AMY2B: variants seen among roughly 807,000 people sequenced by gnomAD.
AMY2B encodes the protein alpha-amylase 2B.
In AMY2B, 63 loss-of-function variants were observed where a neutral mutation model predicts 59.3. That is an observed-to-expected ratio of 1.06 (90% CI 0.87 to 1.31). AMY2B has a LOEUF of 1.31. AMY2B is among the 50% of genes most tolerant of loss of function. The probability of loss-of-function intolerance (pLI) is 0.00; values close to 1 mark genes in which losing one functional copy is unlikely to be tolerated. For missense variants in AMY2B, 635 were observed against 626.7 expected (o/e 1.01, Z -0.14); for synonymous variants, 180 against 198.1 (o/e 0.91, Z 0.77).
chr1:103,566,993 T>G (rs1651931862), upstream of AMY2B, among the ~76,000 whole-genome samples: 1 of 152,194 alleles, frequency 6.6e-6, no homozygotes, highest in Non-Finnish European at 1.5e-5. Flanking sequence ...ATACTAGATA[T>G]GAAGTCTAAC....
At chr1:103,558,702 G>A (rs1651636346) in intron 1 of AMY2B, among the ~76,000 whole-genome samples, 1 of 150,854 alleles carries the variant, frequency 6.6e-6, no homozygotes, top group African/African-American at 2.4e-5. Flanking sequence ...ATTTGAGGCT[G>A]CAGTGAACCG....
chr1:103,572,928 A>G (rs1652192817), intron 2 of AMY2B, 135 bp from the exon 3 acceptor site: 1 of 1,530,210 alleles, frequency 6.5e-7, no homozygotes, highest in Non-Finnish European at 8.9e-7. Flanking sequence ...TTGATTTTTG[A>G]TCTTGTAGGA....
At chr1:103,569,347 C>T (rs185158792), upstream of AMY2B, 1 of 164,282 alleles carries the variant, frequency 6.1e-6, no homozygotes, top group Non-Finnish European at 1.3e-5. Flanking sequence ...TATATAAATA[C>T]AGTCCTTATG....
At chr1:103,558,139 G>T (rs1651618613) in intron 1 of AMY2B, among the ~76,000 whole-genome samples, 1 of 152,170 alleles carries the variant, frequency 6.6e-6, no homozygotes, top group Non-Finnish European at 1.5e-5. Flanking sequence ...GAATGTCCAT[G>T]TGATTTGTTT....
chr1:103,556,091 G>T (rs780789171), intron 1 of AMY2B, among the ~76,000 whole-genome samples: 1 of 152,038 alleles, frequency 6.6e-6, no homozygotes, highest in Non-Finnish European at 1.5e-5. Context: ...TAGGAAACAA[G>T]GTCATAAAGA....
intron 7 of AMY2B, 142 bp downstream of exon 7, chr1:103,575,682 C>A: frequency 2.4e-6 from 3 of 1,236,178 alleles, no homozygotes; most frequent in Non-Finnish European, 3.4e-6. Context: ...TTTAGTAATG[C>A]AGGTTATATT....
chr1:103,568,802 A>AAT (rs952706099), upstream of AMY2B: 5 of 151,366 alleles, frequency 3.3e-5, no homozygotes, highest in African/African-American at 7.3e-5. Context: ...ATATATATGG[A>AAT]ATATATATAT....
chr1:103,571,177 A>T, upstream of AMY2B: 1 of 815,214 alleles, frequency 1.2e-6, no homozygotes, highest in Non-Finnish European at 1.6e-6. Context: ...CCAGAACACC[A>T]TGGGCTGTTA....
rs926505873 is a variant in AMY2B at position 103,577,970 on chromosome 1, A to G, written c.1346+125A>G. ...GTAGTCAGTGGAGCAAGAAGACAATAGACATCAAAATTGGGCAGAAGTAAA... is the reference window on the plus strand; with the variant it reads ...GTAGTCAGTGGAGCAAGAAGACAATGGACATCAAAATTGGGCAGAAGTAAA... On this transcript the variant is annotated intron_variant, in intron 9 of 9. Coordinates refer to ENST00000684275, the MANE Select transcript of AMY2B (RefSeq NM_001387437.1). The G allele has an allele frequency of 1.2e-5, 19 of 1,533,154 alleles. No individual in the cohort carries two copies. The African/African-American group carries it at 2.6e-4, about 21-fold the overall frequency. The allele number at this position is 1,533,154 out of a possible 1,614,324, so 95.0% of individuals were successfully genotyped here.
chr1:103,565,033 C>T (rs1651859660), intron 1 of AMY2B: 1 of 152,098 alleles, frequency 6.6e-6, no homozygotes, highest in South Asian at 2.1e-4. Context: ...ACAGTCTCCA[C>T]CAAGTCTGTT....
intron 9 of AMY2B, 104 bp downstream of exon 9, chr1:103,577,949 T>G: frequency 6.4e-7 from 1 of 1,563,456 alleles, no homozygotes; most frequent in Non-Finnish European, 8.6e-7. Context: ...AATCATGTAG[T>G]CAGTGGAGCA....
At chr1:103,568,743 C>T (rs920737880), upstream of AMY2B, 2 of 151,382 alleles carry the variant, frequency 1.3e-5, no homozygotes, top group Admixed American at 1.3e-4. Flanking sequence ...TATATATATA[C>T]ACACATATAT....
In AMY2B at chr1:103,577,855, T is replaced by C; in HGVS notation, c.1346+10T>C. ...TCAACAATGATGACTGGTAAGTACATATCAATTAAAAATAATATTTTGTAC... is the reference window on the plus strand; with the variant it reads ...TCAACAATGATGACTGGTAAGTACACATCAATTAAAAATAATATTTTGTAC... On this transcript the variant is annotated intron_variant, in intron 9 of 9. Coordinates refer to ENST00000684275, the MANE Select transcript of AMY2B (RefSeq NM_001387437.1). 1 of 1,600,198 alleles carries C rather than the reference T, an allele frequency of 6.2e-7. No individual in the cohort carries two copies. The highest frequency in any genetic ancestry group is 2.2e-5 in the East Asian group (1 of 44,854).
intron 1 of AMY2B, among the ~76,000 whole-genome samples, chr1:103,562,564 A>G (rs1651766855): frequency 6.6e-6 from 1 of 152,118 alleles, no homozygotes; most frequent in South Asian, 2.1e-4. Flanking sequence ...CATAAATGTG[A>G]CATTAAGGTA....
At chr1:103,567,229 T>C (rs1225880903), upstream of AMY2B, among the ~76,000 whole-genome samples, 1 of 152,062 alleles carries the variant, frequency 6.6e-6, no homozygotes, top group Non-Finnish European at 1.5e-5. Context: ...TGGAAGGGGA[T>C]GATATGGGAA....
chr1:103,567,570 C>A (rs943902218), upstream of AMY2B, among the ~76,000 whole-genome samples: 1 of 152,166 alleles, frequency 6.6e-6, no homozygotes, highest in African/African-American at 2.4e-5. Flanking sequence ...TAGTCCAAGC[C>A]ACTCACCTCT....
At chr1:103,576,079 A>G (rs1321194225) in intron 7 of AMY2B, among the ~76,000 whole-genome samples, 12 of 152,204 alleles carry the variant, frequency 7.9e-5, no homozygotes, top group Admixed American at 6.5e-4. Flanking sequence ...AAGAAAGGTA[A>G]GAATGAGAAA....
At chr1:103,578,988 A>T (rs1218911038) in intron 9 of AMY2B, among the ~76,000 whole-genome samples, 1 of 152,178 alleles carries the variant, frequency 6.6e-6, no homozygotes, top group Non-Finnish European at 1.5e-5. Context: ...ATTTGTATTA[A>T]GTTCAGTTGA....
rs375752225 is a variant in AMY2B, at chr1:103,573,765, C to T, written c.571C>T (p.Arg191Cys). 35 of 1,613,666 alleles carry T rather than the reference C, an allele frequency of 2.2e-5. No individual in the cohort carries two copies. Among genetic ancestry groups the T allele is most frequent in the Middle Eastern group, 1.6e-4 (1 of 6,076 alleles). ...TCTTGCACTGGAGAAAGATTATGTG[C>T]GTTCCAAGATTGCCGAATATATGAA... ...LDLALEKDYV[R>C]SKIAEYMNHL... Residue 191 changes from arginine to cysteine, a missense_variant, in exon 4 of 10, where the codon CGT becomes TGT. Physicochemically the swap from Arg to Cys is radical, Grantham distance 180. Coordinates refer to ENST00000684275, the MANE Select transcript of AMY2B (RefSeq NM_001387437.1).
Sources: allele counts gnomAD v4.1 joint callset (sites outside exome capture counted in the v4.1 genomes callset), GRCh38; gene constraint gnomAD v4.1.1; transcripts MANE v1.5; gene names NCBI Gene and HGNC (gene_info 2026-07-23, HGNC 2026-07-21).